Variants in GPX6 observed in about 807,000 individuals in gnomAD.
GPX6 encodes glutathione peroxidase 6 (olfactory).
In GPX6, 21 loss-of-function variants were observed where a neutral mutation model predicts 20.0. That is an observed-to-expected ratio of 1.05 (90% CI 0.74 to 1.51). The LOEUF (loss-of-function observed/expected upper bound fraction) is 1.51. Among genes scored for constraint, GPX6 ranks in the 40% most tolerant of loss-of-function variants. The pLI is 0.00. For synonymous variants in GPX6, 75 were observed against 98.0 expected (o/e 0.77, Z 1.38); for missense variants, 233 against 254.7 (o/e 0.91, Z 0.58).
chr6:28,512,457 C>G (rs1339494972), intron 1 of GPX6, among the ~76,000 whole-genome samples: 1 of 152,190 alleles, frequency 6.6e-6, no homozygotes, highest in Non-Finnish European at 1.5e-5. Context: ...CACTCTGTAT[C>G]TAGCTAATCT....
chr6:28,512,919 C>A (rs1193945864), intron 1 of GPX6, among the ~76,000 whole-genome samples: 1 of 152,120 alleles, frequency 6.6e-6, no homozygotes, highest in Admixed American at 6.5e-5. Context: ...CACAAACCCG[C>A]CAGAAGGAAC....
chr6:28,504,166 T>TGG lies in GPX6; in HGVS notation c.*124_*125dup. 1.3e-6 allele frequency: 1 copy of TGG among 771,682 alleles called. No individual in the cohort carries two copies. Among genetic ancestry groups the TGG allele is most frequent in the Non-Finnish European group, 2.2e-6 (1 of 460,068 alleles). The allele number at this position is 771,682 out of a possible 1,614,324, so 47.8% of individuals were successfully genotyped here. A position where few individuals can be genotyped will look rare whatever the true frequency, so the allele number is the denominator to read the frequency against. On this transcript the variant is annotated 3_prime_UTR_variant, in exon 5 of 5. Transcript: ENST00000361902. ...AAGCAGGTGCTTGGGTAGTACAGGA[T>TGG]GGTTTGGTCATCAGGAGGCTGGGTA...
chr6:28,505,537 G>A (rs1762799018), intron 4 of GPX6, among the ~76,000 whole-genome samples, 166 bp downstream of exon 4: 1 of 152,154 alleles, frequency 6.6e-6, no homozygotes, highest in African/African-American at 2.4e-5. Flanking sequence ...TCCATCATGG[G>A]TTTCCTCTAC....
intron 1 of GPX6, among the ~76,000 whole-genome samples, chr6:28,512,074 C>T (rs1449884791): frequency 6.6e-6 from 1 of 152,238 alleles, no homozygotes; most frequent in Non-Finnish European, 1.5e-5. Context: ...CCTCCTCCCG[C>T]TCCGTGGGCT....
chr6:28,513,994 T>A (rs964165877), intron 1 of GPX6, among the ~76,000 whole-genome samples: 2 of 152,228 alleles, frequency 1.3e-5, no homozygotes, highest in African/African-American at 2.4e-5. Context: ...TATACATTAG[T>A]CACAATATTT....
At chr6:28,514,521 G>A (rs1321522328) in intron 1 of GPX6, among the ~76,000 whole-genome samples, 3 of 152,192 alleles carry the variant, frequency 2.0e-5, no homozygotes, top group Non-Finnish European at 4.4e-5. Flanking sequence ...AAGTAAGTAA[G>A]CTGTCTTATG....
chr6:28,505,346 C>G (rs1485886042), intron 4 of GPX6, among the ~76,000 whole-genome samples: 1 of 152,192 alleles, frequency 6.6e-6, no homozygotes, highest in East Asian at 1.9e-4. Flanking sequence ...GCATTTACCA[C>G]ATGGTATTCT....
intron 4 of GPX6, 136 bp downstream of exon 4, chr6:28,505,567 G>T: frequency 1.6e-6 from 1 of 643,178 alleles, no homozygotes; most frequent in Non-Finnish European, 2.8e-6. Context: ...AAGCATCACA[G>T]CAGATATTGC....
chr6:28,506,341 T>C lies in GPX6; in HGVS notation c.330A>G (p.Gly110=). ...GACCAAGAAGTATTTCTGAGTTTGT[T>C]CCTGGTTCTTGTTTTCCAAACTGGT... The part of the protein sequence containing the change: ...PCNQFGKQEP[G]TNSEILLGLK... Residue 110 remains glycine, a synonymous_variant, in exon 3 of 5, where the codon GGA becomes GGG. Transcript: ENST00000361902. 1 of 1,613,210 alleles carries C rather than the reference T, an allele frequency of 6.2e-7. No homozygotes were observed. The highest frequency in any genetic ancestry group is 8.5e-7 in the Non-Finnish European group (1 of 1,179,140).
Position 28,515,730 on chromosome 6 carries a change from A to T in GPX6, c.14T>A (p.Phe5Tyr). Residue 5 changes from phenylalanine to tyrosine, a missense_variant, in exon 1 of 5, where the codon TTC (phenylalanine) becomes TAC (tyrosine). Physicochemically the swap from Phe to Tyr is conservative, Grantham distance 22. Coordinates refer to ENST00000361902, the MANE Select transcript of GPX6 (RefSeq NM_182701.1). MFQQ[F>Y]QASCLVLFFL... ...AAACAGGACAAGACAGGAGGCCTGG[A>T]ACTGCTGGAACATGGCTAGGAGTTT... 1 of 1,613,894 alleles carries T rather than the reference A, an allele frequency of 6.2e-7. No homozygotes were observed. Among genetic ancestry groups the T allele is most frequent in the Non-Finnish European group, 8.5e-7 (1 of 1,179,804 alleles).
intron 1 of GPX6, among the ~76,000 whole-genome samples, chr6:28,512,149 C>T (rs1762891262): frequency 1.3e-5 from 2 of 152,226 alleles, no homozygotes; most frequent in South Asian, 4.1e-4. Context: ...GTCCCATCGG[C>T]CACCCAAGGG....
At chr6:28,505,414 C>T (rs1299406464) in intron 4 of GPX6, among the ~76,000 whole-genome samples, 1 of 152,180 alleles carries the variant, frequency 6.6e-6, no homozygotes, top group Non-Finnish European at 1.5e-5. Context: ...ACAGACTATG[C>T]GCTATTAATG....
At chr6:28,513,617 G>A (rs1205124815) in intron 1 of GPX6, among the ~76,000 whole-genome samples, 1 of 152,128 alleles carries the variant, frequency 6.6e-6, no homozygotes, top group East Asian at 1.9e-4. Context: ...AGCACAGAGC[G>A]GAAAAACTTT....
chr6:28,506,542 G>A, intron 2 of GPX6, 113 bp from the exon 3 acceptor site: 1 of 695,864 alleles, frequency 1.4e-6, no homozygotes, highest in Non-Finnish European at 2.6e-6. Flanking sequence ...GACTAAGAAG[G>A]GAAAGATTCA....
At chr6:28,515,185 C>T (rs1763001624) in intron 1 of GPX6, among the ~76,000 whole-genome samples, 1 of 152,108 alleles carries the variant, frequency 6.6e-6, no homozygotes, top group African/African-American at 2.4e-5. Context: ...ACTCCTAGTG[C>T]AGATCGCAAG....
chr6:28,506,400 T>G lies in GPX6; in HGVS notation c.271A>C (p.Asn91His). 1 of 1,613,516 alleles carries G rather than the reference T, an allele frequency of 6.2e-7. No homozygotes were observed. Among genetic ancestry groups the G allele is most frequent in the Non-Finnish European group, 8.5e-7 (1 of 1,179,480 alleles). Residue 91 changes from asparagine (N) to histidine (H), a missense_variant, in exon 3 of 5, where the codon AAT (asparagine) becomes CAT (histidine). Transcript: ENST00000361902. ...ELNALQEELK[N>H]FGVIVLAFPC... The stretch of plus-strand genomic sequence containing the variant: ...AAGGCCAACACAATGACACCAAAAT[T>G]CTTCAGCTCCTCCTGTAGTGCATTC...
intron 1 of GPX6, among the ~76,000 whole-genome samples, chr6:28,513,861 T>C (rs1386395866): frequency 1.3e-5 from 2 of 152,214 alleles, no homozygotes; most frequent in Non-Finnish European, 2.9e-5. Flanking sequence ...AAACTCTTTA[T>C]CATCTTCTGA....
chr6:28,512,312 C>A (rs190959868), intron 1 of GPX6, among the ~76,000 whole-genome samples: 1 of 152,212 alleles, frequency 6.6e-6, no homozygotes, highest in African/African-American at 2.4e-5. Context: ...ATACACCAAT[C>A]GGCACTCTGT....
chr6:28,511,301 C>T (rs561958185), intron 1 of GPX6, among the ~76,000 whole-genome samples: 5 of 152,236 alleles, frequency 3.3e-5, no homozygotes, highest in Non-Finnish European at 7.3e-5. Flanking sequence ...AACTTCTCAT[C>T]TACATGTTCT....
Sources: allele counts gnomAD v4.1 joint callset (sites outside exome capture counted in the v4.1 genomes callset), GRCh38; gene constraint gnomAD v4.1.1; transcripts MANE v1.5; gene names NCBI Gene and HGNC (gene_info 2026-07-23, HGNC 2026-07-21).